CDH13: variants seen among roughly 807,000 people sequenced by gnomAD.
CDH13 encodes the protein cadherin-13.
Under a neutral mutation model 63.8 loss-of-function variants are expected in CDH13, and 24 were observed. That is an observed-to-expected ratio of 0.38 (90% CI 0.27 to 0.53). CDH13 has a LOEUF of 0.53. Ranked by LOEUF, CDH13 falls within the 20% of genes least tolerant of loss-of-function variation. The pLI is 0.85. For missense variants in CDH13, 1,049 were observed against 903.1 expected (o/e 1.16, Z -2.07); for synonymous variants, 503 against 355.3 (o/e 1.42, Z -4.67).
chr16:83,035,534 C>T (rs895298778), intron 3 of CDH13, among the ~76,000 whole-genome samples: 9 of 152,140 alleles, frequency 5.9e-5, no homozygotes, highest in Non-Finnish European at 1.3e-4. Flanking sequence ...AACTGAGGCA[C>T]AAAGAGCCAA....
intron 3 of CDH13, among the ~76,000 whole-genome samples, chr16:83,118,552 G>A (rs55679915): frequency 0.019 from 2,861 of 152,250 alleles, 59 homozygotes; most frequent in African/African-American, 0.053. Context: ...ATCCACAGCC[G>A]AATTACTCAC....
At chr16:83,738,009 C>T (rs901614257) in intron 10 of CDH13, among the ~76,000 whole-genome samples, 1 of 152,182 alleles carries the variant, frequency 6.6e-6, no homozygotes, top group African/African-American at 2.4e-5. Context: ...ACATCGTACG[C>T]CACCTCCTCA....
At chr16:83,492,293 C>T (rs2074031585) in intron 7 of CDH13, among the ~76,000 whole-genome samples, 1 of 152,104 alleles carries the variant, frequency 6.6e-6, no homozygotes. Flanking sequence ...GTTTTTAGGC[C>T]TTTCTGATTT....
At chr16:83,015,465 T>C (rs1490796746) in intron 2 of CDH13, among the ~76,000 whole-genome samples, 3 of 151,368 alleles carry the variant, frequency 2.0e-5, no homozygotes, top group Non-Finnish European at 2.9e-5. Flanking sequence ...TCCCAGCATA[T>C]GTAAAGTAGT....
At chr16:82,628,562 C>T (rs1394003333) in intron 1 of CDH13, among the ~76,000 whole-genome samples, 3 of 152,124 alleles carry the variant, frequency 2.0e-5, no homozygotes, top group Admixed American at 6.5e-5. Flanking sequence ...CTGCTGAGCC[C>T]GCTCCCAAGC....
intron 2 of CDH13, among the ~76,000 whole-genome samples, chr16:82,865,094 A>G (rs936354647): frequency 3.3e-5 from 5 of 152,206 alleles, no homozygotes; most frequent in Non-Finnish European, 4.4e-5. Context: ...GTGGGTTCTC[A>G]CAGTCTTGGG....
chr16:83,228,600 C>T (rs1337312562), intron 5 of CDH13, among the ~76,000 whole-genome samples: 3 of 152,170 alleles, frequency 2.0e-5, no homozygotes, highest in Non-Finnish European at 4.4e-5. Context: ...TGAGGAATGA[C>T]AGGAGACAGA....
chr16:82,931,948 T>A (rs2042509697), intron 2 of CDH13, among the ~76,000 whole-genome samples: 1 of 152,152 alleles, frequency 6.6e-6, no homozygotes, highest in South Asian at 2.1e-4. Flanking sequence ...AGTACAGAGC[T>A]TGACCCTAAG....
chr16:82,841,506 C>T lies in CDH13; in HGVS notation c.46-16856C>T, dbSNP rs79524901. Among the ~76,000 whole-genome samples the T allele has an allele frequency of 5.1e-3, 780 of 152,278 alleles. 7 individuals are homozygous for T. Among genetic ancestry groups the T allele is most frequent in the African/African-American group, 0.018 (739 of 41,544 alleles). The stretch of plus-strand genomic sequence containing the variant: ...GCAGGATTATCTCTGATCATTTGAG[C>T]TAGGACTCCAGATAAAACATCAAAA... On this transcript the variant is annotated intron_variant, in intron 1 of 13. Transcript: ENST00000567109.
intron 1 of CDH13, among the ~76,000 whole-genome samples, chr16:82,724,888 C>T: frequency 6.6e-6 from 1 of 152,238 alleles, no homozygotes; most frequent in South Asian, 2.1e-4. Context: ...GCTGGGTCAG[C>T]CATTCTCTCT....
intron 1 of CDH13, among the ~76,000 whole-genome samples, chr16:82,827,720 A>T (rs567154946): frequency 2.0e-5 from 3 of 152,244 alleles, no homozygotes; most frequent in Non-Finnish European, 4.4e-5. Flanking sequence ...AAAGATTCTC[A>T]GCATGAATGC....
chr16:82,727,517 G>T (rs111359715), intron 1 of CDH13: 3 of 152,094 alleles, frequency 2.0e-5, no homozygotes, highest in South Asian at 4.1e-4. Flanking sequence ...TGCATTAGCC[G>T]CACTTAGAGT....
At chr16:82,734,754 G>A (rs1199306436) in intron 1 of CDH13, among the ~76,000 whole-genome samples, 1 of 152,186 alleles carries the variant, frequency 6.6e-6, no homozygotes, top group Admixed American at 6.5e-5. Flanking sequence ...AAGACAGACA[G>A]GCCTTTATAC....
At chr16:82,675,587 A>G (rs1004687122) in intron 1 of CDH13, among the ~76,000 whole-genome samples, 5 of 152,212 alleles carry the variant, frequency 3.3e-5, no homozygotes, top group South Asian at 4.1e-4. Flanking sequence ...TTGGTTAAAG[A>G]TGCTTTTCTA....
intron 5 of CDH13, among the ~76,000 whole-genome samples, chr16:83,228,878 G>C (rs1209427112): frequency 6.6e-6 from 1 of 152,236 alleles, no homozygotes; most frequent in Non-Finnish European, 1.5e-5. Flanking sequence ...TTGACATGCA[G>C]GGGATGAATG....
intron 3 of CDH13, among the ~76,000 whole-genome samples, chr16:83,037,951 G>C (rs1487981321): frequency 6.6e-6 from 1 of 152,128 alleles, no homozygotes; most frequent in Non-Finnish European, 1.5e-5. Context: ...AACCTCAGGA[G>C]GAAGGATAAG....
chr16:82,766,505 A>G (rs1023626198), intron 1 of CDH13, among the ~76,000 whole-genome samples: 10 of 152,122 alleles, frequency 6.6e-5, no homozygotes, highest in Admixed American at 3.9e-4. Flanking sequence ...CTGCCAGTAC[A>G]CCTTTCTGCC....
At chr16:83,545,505 A>G (rs2075370955) in intron 7 of CDH13, among the ~76,000 whole-genome samples, 1 of 152,224 alleles carries the variant, frequency 6.6e-6, no homozygotes, top group Non-Finnish European at 1.5e-5. Flanking sequence ...GAGAGGGGAA[A>G]GTCCACTGCC....
intron 3 of CDH13, among the ~76,000 whole-genome samples, chr16:83,050,011 T>C (rs1244273295): frequency 1.3e-5 from 2 of 152,210 alleles, no homozygotes; most frequent in African/African-American, 4.8e-5. Flanking sequence ...AAACGTTGTA[T>C]ACTTGCAAGA....
Sources: allele counts gnomAD v4.1 joint callset (sites outside exome capture counted in the v4.1 genomes callset), GRCh38; gene constraint gnomAD v4.1.1; transcripts MANE v1.5; gene names NCBI Gene and HGNC (gene_info 2026-07-23, HGNC 2026-07-21).